PSMD1: variants seen among roughly 807,000 people sequenced by gnomAD.
PSMD1 encodes the protein 26S proteasome non-ATPase regulatory subunit 1.
PSMD1 carries 18 observed loss-of-function variants against 119.0 expected under a neutral mutation model. That is an observed-to-expected ratio of 0.15 (90% CI 0.10 to 0.22). PSMD1 has a LOEUF of 0.22. PSMD1 is among the 10% of genes least tolerant of loss of function. The pLI is 1.00. For missense variants in PSMD1, 702 were observed against 1,158.5 expected, an observed-to-expected ratio of 0.61 and a Z score of 5.72; for synonymous variants, 374 against 396.6, an observed-to-expected ratio of 0.94 and a Z score of 0.68.
chr2:231,077,796 A>AT lies in PSMD1; in HGVS notation c.1071+641dup, dbSNP rs560490025. On this transcript the variant is annotated intron_variant, in intron 9 of 24. Transcript: ENST00000308696. ...TTATCCAGTACCCCTTCGCAAAGTC[A>AT]TTTTTTTATAGCCATATATTATTGA... Among the ~76,000 whole-genome samples, 515 of 152,278 alleles carry AT rather than the reference A, an allele frequency of 3.4e-3. 5 individuals carry two copies. Among genetic ancestry groups the AT allele is most frequent in the Non-Finnish European group, 5.6e-3 (379 of 68,016 alleles).
chr2:231,084,007 G>A (rs1454592209), intron 14 of PSMD1, among the ~76,000 whole-genome samples: 1 of 152,166 alleles, frequency 6.6e-6, no homozygotes, highest in African/African-American at 2.4e-5. Context: ...CTCATAAGCA[G>A]ATTCAGCATA....
intron 10 of PSMD1, 65 bp downstream of exon 10, chr2:231,078,812 TTTTG>T: frequency 1.0e-5 from 13 of 1,240,332 alleles, no homozygotes; most frequent in Admixed American, 2.4e-5. Context: ...TTTTTTTTTT[TTTTG>T]TGCAGTCTTA....
At chr2:231,095,033 A>G (rs919068024) in intron 16 of PSMD1, among the ~76,000 whole-genome samples, 1 of 152,200 alleles carries the variant, frequency 6.6e-6, no homozygotes, top group African/African-American at 2.4e-5. Context: ...CCCTGGGGCC[A>G]TTTGTCCTAT....
chr2:231,163,542 C>A, intron 20 of PSMD1, 93 bp from the exon 21 acceptor site: 1 of 797,624 alleles, frequency 1.3e-6, no homozygotes, highest in South Asian at 1.8e-5. Context: ...AACATACAGC[C>A]TGCATTAAAA....
At chr2:231,155,018 A>G (rs1696454064) in intron 19 of PSMD1, among the ~76,000 whole-genome samples, 1 of 152,190 alleles carries the variant, frequency 6.6e-6, no homozygotes, top group Non-Finnish European at 1.5e-5. Context: ...AGTTCCTTAG[A>G]CTTGGAGTTC....
chr2:231,066,225 T>C (rs1290717222), intron 4 of PSMD1, among the ~76,000 whole-genome samples: 1 of 152,252 alleles, frequency 6.6e-6, no homozygotes, highest in Non-Finnish European at 1.5e-5. Context: ...CTACAGTTGC[T>C]GGAAAAGTTT....
chr2:231,074,590 A>G (rs1456066605), intron 7 of PSMD1, among the ~76,000 whole-genome samples: 1 of 151,840 alleles, frequency 6.6e-6, no homozygotes, highest in East Asian at 1.9e-4. Context: ...TGTACTTCTA[A>G]TATGTAATAG....
chr2:231,151,208 C>T (rs1012155456), intron 18 of PSMD1, among the ~76,000 whole-genome samples: 1 of 151,972 alleles, frequency 6.6e-6, no homozygotes, highest in Non-Finnish European at 1.5e-5. Flanking sequence ...CTATTCATAA[C>T]AATGAAATTG....
intron 19 of PSMD1, among the ~76,000 whole-genome samples, chr2:231,155,973 A>G (rs544113781): frequency 2.6e-5 from 4 of 152,038 alleles, no homozygotes; most frequent in Admixed American, 6.5e-5. Context: ...ACTCTTCACT[A>G]CCTTCCAATA....
rs139343691 is a variant in PSMD1, at chr2:231,143,945, T to C, written c.1999-2295T>C. Among the ~76,000 whole-genome samples, 638 of 152,372 alleles carry C rather than the reference T, an allele frequency of 4.2e-3. 9 individuals are homozygous for C. Among genetic ancestry groups the C allele is most frequent in the African/African-American group, 0.015 (610 of 41,592 alleles). ...TATGATTTCATTTGTTTTGCTATTC[T>C]ACTAGCTAGTAAAATATTTTGTTTG... On this transcript the variant is annotated intron_variant, in intron 17 of 24. Transcript: ENST00000308696.
chr2:231,089,514 A>G (rs1694535430), intron 16 of PSMD1, among the ~76,000 whole-genome samples: 1 of 152,106 alleles, frequency 6.6e-6, no homozygotes, highest in African/African-American at 2.4e-5. Flanking sequence ...AAGCTGTTCT[A>G]CGTGTTCTAG....
intron 16 of PSMD1, among the ~76,000 whole-genome samples, chr2:231,136,222 T>C (rs2125245489): frequency 6.6e-6 from 1 of 152,278 alleles, no homozygotes; most frequent in South Asian, 2.1e-4. Context: ...AGGATTTCGG[T>C]TCACTTTAGT....
chr2:231,059,163 G>A (rs951807058), intron 1 of PSMD1, among the ~76,000 whole-genome samples: 1 of 152,216 alleles, frequency 6.6e-6, no homozygotes, highest in Non-Finnish European at 1.5e-5. Context: ...CCTCTTTAAG[G>A]TGGCAAAACT....
chr2:231,112,778 T>G (rs184528982), intron 16 of PSMD1, among the ~76,000 whole-genome samples: 3 of 152,330 alleles, frequency 2.0e-5, no homozygotes, highest in South Asian at 4.1e-4. Flanking sequence ...TACAGGGCCG[T>G]AAGACGATTT....
At chr2:231,087,079 C>T in intron 15 of PSMD1, 38 bp from the exon 16 acceptor site, 1 of 1,575,682 alleles carries the variant, frequency 6.3e-7, no homozygotes, top group South Asian at 1.1e-5. Flanking sequence ...TAGTGGTAGA[C>T]TACATAGTAT....
intron 19 of PSMD1, among the ~76,000 whole-genome samples, chr2:231,160,324 A>G (rs1696608177): frequency 2.0e-5 from 3 of 152,220 alleles, no homozygotes; most frequent in African/African-American, 7.2e-5. Context: ...AGTTAATGTC[A>G]GAGCTCCTCC....
chr2:231,091,339 A>G (rs1694586327), intron 16 of PSMD1, among the ~76,000 whole-genome samples: 1 of 152,184 alleles, frequency 6.6e-6, no homozygotes, highest in African/African-American at 2.4e-5. Flanking sequence ...TCTTAAGAGA[A>G]TTTAACTGCC....
chr2:231,137,721 A>G (rs76155662), intron 16 of PSMD1, among the ~76,000 whole-genome samples: 3,400 of 151,904 alleles, frequency 0.022, 137 homozygotes, highest in African/African-American at 0.077. Context: ...CCCAGTGTTC[A>G]TTGTTGCCTT....
At position 231,172,790 on chromosome 2, in the gene PSMD1, AATGTATCTAATC is replaced by A. The variant is rs1345608276; in HGVS notation, c.*266_*277del. The A allele has an allele frequency of 6.6e-6, 1 of 152,168 alleles. No homozygotes were observed. The highest frequency in any genetic ancestry group is 6.5e-5 in the Admixed American group (1 of 15,284). The allele number at this position is 152,168 out of a possible 1,614,324, so 9.4% of individuals were successfully genotyped here. On this transcript the variant is annotated 3_prime_UTR_variant, in exon 25 of 25. Transcript: ENST00000308696. ...TGTTTTTCAGCCTGGGTTTTTAATA[AATGTATCTAATC>A]CTCCCCACACCATGAAATGCCTAAA... is the stretch of plus-strand genomic sequence containing the variant.
Sources: allele counts gnomAD v4.1 joint callset (sites outside exome capture counted in the v4.1 genomes callset), GRCh38; gene constraint gnomAD v4.1.1; transcripts MANE v1.5; gene names NCBI Gene and HGNC (gene_info 2026-07-23, HGNC 2026-07-21).